The following LRRC4C variants were observed in gnomAD, a reference collection of about 807,000 sequenced individuals.
LRRC4C encodes leucine rich repeat containing 4C, also known as leucine-rich repeat-containing protein 4C.
In LRRC4C, 5 loss-of-function variants were observed where a neutral mutation model predicts 33.6. The observed-to-expected ratio is 0.15, with a 90% CI of 0.08 to 0.31. LRRC4C has a LOEUF of 0.31. Ranked by LOEUF, LRRC4C falls within the 10% of genes least tolerant of loss-of-function variation. LRRC4C has a pLI of 1.00. For synonymous variants in LRRC4C, 329 were observed against 302.0 expected, an observed-to-expected ratio of 1.09 and a Z score of -0.93; for missense variants, 560 against 796.7, an observed-to-expected ratio of 0.70 and a Z score of 3.58.
At chr11:40,255,313 C>T (rs561768429) in intron 4 of LRRC4C, among the ~76,000 whole-genome samples, 21 of 152,176 alleles carry the variant, frequency 1.4e-4, no homozygotes, top group African/African-American at 5.1e-4. Flanking sequence ...GAGGAAACAA[C>T]AAAAGCAAAA....
At chr11:41,370,873 A>C (rs750223943) in intron 1 of LRRC4C, among the ~76,000 whole-genome samples, 1 of 152,204 alleles carries the variant, frequency 6.6e-6, no homozygotes, top group Non-Finnish European at 1.5e-5. Context: ...ACACAAATAC[A>C]TTTTATGTGG....
At chr11:40,923,788 T>C (rs556422926) in intron 2 of LRRC4C, among the ~76,000 whole-genome samples, 29 of 152,264 alleles carry the variant, frequency 1.9e-4, no homozygotes, top group African/African-American at 4.8e-4. Context: ...AGAAAATTGT[T>C]ATAGGAGACA....
At position 40,382,123 on chromosome 11, in the gene LRRC4C, ATTTTTTTTTTTTTTTTTT is replaced by A. The variant is rs77934711; in HGVS notation, c.-269-62420_-269-62403del. Among the ~76,000 whole-genome samples the A allele has an allele frequency of 1.2e-4, 12 of 99,982 alleles. 1 individual carries two copies. In the South Asian group the frequency reaches 3.9e-3, roughly 33 times the overall value. The allele number at this position is 99,982 out of a possible 152,430, so 65.6% of individuals were successfully genotyped here. A position where few individuals can be genotyped will look rare whatever the true frequency, so the allele number is the denominator to read the frequency against. The stretch of plus-strand genomic sequence containing the variant: ...AGGCGCCCACCACTATGCCCGGCTA[ATTTTTTTTTTTTTTTTTT>A]TTTTTTTTTTTTTTGTATTTCTAGT... On this transcript the variant is annotated intron_variant, in intron 3 of 6. Transcript: ENST00000528697.
chr11:41,003,711 G>A (rs1211823414), intron 1 of LRRC4C, among the ~76,000 whole-genome samples: 1 of 151,386 alleles, frequency 6.6e-6, no homozygotes, highest in Non-Finnish European at 1.5e-5. Flanking sequence ...GAGGTCATCT[G>A]GTATGCCTTC....
At chr11:40,519,011 A>G (rs1316883523) in intron 3 of LRRC4C, among the ~76,000 whole-genome samples, 1 of 152,160 alleles carries the variant, frequency 6.6e-6, no homozygotes, top group Non-Finnish European at 1.5e-5. Flanking sequence ...AACAATGCAT[A>G]TTCTCACTCA....
At chr11:41,384,435 C>A (rs1265807944) in intron 1 of LRRC4C, among the ~76,000 whole-genome samples, 2 of 151,556 alleles carry the variant, frequency 1.3e-5, no homozygotes, top group Admixed American at 1.3e-4. Flanking sequence ...ACAATAGAAA[C>A]CTGGGGAAGT....
intron 2 of LRRC4C, among the ~76,000 whole-genome samples, chr11:40,657,616 C>T (rs527316958): frequency 1.4e-4 from 22 of 152,302 alleles, no homozygotes; most frequent in African/African-American, 4.1e-4. Flanking sequence ...AAGGCCTCTC[C>T]CAGATTGGAG....
At chr11:40,224,513 A>G (rs1327019204) in intron 5 of LRRC4C, among the ~76,000 whole-genome samples, 1 of 152,254 alleles carries the variant, frequency 6.6e-6, no homozygotes, top group Non-Finnish European at 1.5e-5. Context: ...CCCAAAGATC[A>G]CAATCTTTAG....
intron 2 of LRRC4C, among the ~76,000 whole-genome samples, chr11:40,916,625 C>T (rs1366808191): frequency 6.6e-6 from 1 of 151,740 alleles, no homozygotes; most frequent in Non-Finnish European, 1.5e-5. Context: ...TTCAGCACAC[C>T]AACATGGCAC....
chr11:40,852,506 G>C (rs1372649271), intron 2 of LRRC4C, among the ~76,000 whole-genome samples: 1 of 152,080 alleles, frequency 6.6e-6, no homozygotes, highest in East Asian at 1.9e-4. Flanking sequence ...TGTCATAAAA[G>C]AGAATTGCAG....
intron 1 of LRRC4C, among the ~76,000 whole-genome samples, chr11:41,051,608 A>AT (rs1032057475): frequency 1.7e-5 from 2 of 116,624 alleles, no homozygotes; most frequent in Admixed American, 1.0e-4. Flanking sequence ...ATTTTTATTT[A>AT]TTTTTTCAAT....
chr11:40,693,129 T>G (rs1457996905), intron 2 of LRRC4C, among the ~76,000 whole-genome samples: 2 of 152,038 alleles, frequency 1.3e-5, no homozygotes, highest in Non-Finnish European at 2.9e-5. Flanking sequence ...CACACACCTC[T>G]GCACACTTAC....
chr11:40,432,001 C>G (rs1296996798), intron 3 of LRRC4C, among the ~76,000 whole-genome samples: 1 of 152,162 alleles, frequency 6.6e-6, no homozygotes, highest in Non-Finnish European at 1.5e-5. Context: ...TCATCTTACC[C>G]TCAACAAGAC....
At chr11:41,387,281 C>A (rs1953399468) in intron 1 of LRRC4C, among the ~76,000 whole-genome samples, 1 of 151,498 alleles carries the variant, frequency 6.6e-6, no homozygotes, top group Non-Finnish European at 1.5e-5. Context: ...GCAGGAAAGG[C>A]TAGAATGGAG....
At chr11:40,490,080 C>T (rs1209130795) in intron 3 of LRRC4C, among the ~76,000 whole-genome samples, 1 of 152,044 alleles carries the variant, frequency 6.6e-6, no homozygotes, top group African/African-American at 2.4e-5. Flanking sequence ...TTGTGTCAAA[C>T]AATGCCTGCC....
chr11:40,297,748 T>G (rs1180962753), intron 4 of LRRC4C, among the ~76,000 whole-genome samples: 1 of 152,212 alleles, frequency 6.6e-6, no homozygotes, highest in Non-Finnish European at 1.5e-5. Context: ...TGTCTCTATG[T>G]ATGTTACAGA....
intron 3 of LRRC4C, among the ~76,000 whole-genome samples, chr11:40,546,084 ACCTT>A (rs35191575): frequency 0.35 from 48,004 of 135,478 alleles, 8,374 homozygotes; most frequent in Middle Eastern, 0.44. Context: ...CTTCCTTCCT[ACCTT>A]CCTTCCTTCC....
intron 3 of LRRC4C, among the ~76,000 whole-genome samples, chr11:40,449,547 C>T (rs1018401626): frequency 3.3e-5 from 5 of 152,028 alleles, no homozygotes; most frequent in African/African-American, 9.7e-5. Flanking sequence ...AACCGAGGCC[C>T]CCAAAGTTAA....
intron 1 of LRRC4C, among the ~76,000 whole-genome samples, chr11:40,943,731 T>G (rs1456395705): frequency 6.6e-6 from 1 of 152,200 alleles, no homozygotes; most frequent in Non-Finnish European, 1.5e-5. Flanking sequence ...GTCTTTGAAG[T>G]GTTTGCACAC....
Sources: allele counts gnomAD v4.1 joint callset (sites outside exome capture counted in the v4.1 genomes callset), GRCh38; gene constraint gnomAD v4.1.1; transcripts MANE v1.5; gene names NCBI Gene and HGNC (gene_info 2026-07-23, HGNC 2026-07-21).